LRRC2: variants seen among roughly 807,000 people sequenced by gnomAD.
LRRC2 encodes the protein leucine rich repeat containing 2.
In LRRC2, 27 loss-of-function variants were observed where a neutral mutation model predicts 40.2. That is an observed-to-expected ratio of 0.67 (90% confidence interval 0.49 to 0.93). The LOEUF is 0.93. Ranked by LOEUF, LRRC2 falls within the 40% of genes least tolerant of loss-of-function variation. The pLI, the probability that LRRC2 is intolerant of heterozygous loss-of-function variation, is 0.00. For synonymous variants in LRRC2, 147 were observed against 158.9 expected, an observed-to-expected ratio of 0.92 and a Z score of 0.56; for missense variants, 402 against 439.6, an observed-to-expected ratio of 0.91 and a Z score of 0.76.
chr3:46,526,153 C>G (rs1704057921), intron 7 of LRRC2, among the ~76,000 whole-genome samples: 1 of 152,012 alleles, frequency 6.6e-6, no homozygotes, highest in Non-Finnish European at 1.5e-5. Flanking sequence ...GGGGTTTCAC[C>G]TTGTTGGCCA....
rs1163366290 is a variant in LRRC2 at position 46,516,468 on chromosome 3, TA to T, written c.*2545del. On this transcript the variant is annotated 3_prime_UTR_variant, in exon 9 of 9. Transcript: ENST00000395905. ...TGGCTGGTTCTTCAGACAGAGAAAA[TA>T]AAAATCACCATACATTTCTACCCCA... 6.6e-6 allele frequency: 1 copy of T among 151,084 alleles called. No individual in the cohort carries two copies. The highest frequency in any genetic ancestry group is 1.5e-5 in the Non-Finnish European group (1 of 67,770). The allele number at this position is 151,084 out of a possible 1,614,324, so 9.4% of individuals were successfully genotyped here.
At chr3:46,534,326 T>C (rs1348840725) in intron 4 of LRRC2, among the ~76,000 whole-genome samples, 1 of 152,212 alleles carries the variant, frequency 6.6e-6, no homozygotes, top group Admixed American at 6.5e-5. Context: ...CAGTCTATCA[T>C]TGATGGGCAT....
At position 46,551,452 on chromosome 3, in the gene LRRC2, T is replaced by C; in HGVS notation, c.125+15A>G. 6.2e-7 allele frequency: 1 copy of C among 1,611,836 alleles called. No individual in the cohort carries two copies. The highest frequency in any genetic ancestry group is 8.5e-7 in the Non-Finnish European group (1 of 1,179,262). ...CACCAAACAAGCTACAAGACTAGGTTGAGAAAACACGTACTTCTCCAAGGC... is the reference window on the plus strand; with the variant it reads ...CACCAAACAAGCTACAAGACTAGGTCGAGAAAACACGTACTTCTCCAAGGC... On this transcript the variant is annotated intron_variant, in intron 2 of 8. Transcript: ENST00000395905.
intron 2 of LRRC2, among the ~76,000 whole-genome samples, chr3:46,550,849 A>G (rs1704629480): frequency 6.6e-6 from 1 of 152,244 alleles, no homozygotes; most frequent in African/African-American, 2.4e-5. Context: ...CATGAGTTCC[A>G]GTTCTGGTTT....
intron 7 of LRRC2, among the ~76,000 whole-genome samples, chr3:46,524,719 T>A (rs902595737): frequency 2.0e-5 from 3 of 152,246 alleles, no homozygotes; most frequent in Non-Finnish European, 4.4e-5. Context: ...ATGATTAACA[T>A]GGCATTTCTT....
At position 46,554,027 on chromosome 3, in the gene LRRC2, T is replaced by A. The variant is rs565024271; in HGVS notation, c.-19-2417A>T. On this transcript the variant is annotated intron_variant, in intron 1 of 8. Transcript: ENST00000395905. ...GGTTGTTGTTGTTGTTTTTTTGTTG[T>A]TTTTTTTCCTGAGACAGGGTCTCAC... is the stretch of plus-strand genomic sequence containing the variant. Among the ~76,000 whole-genome samples the A allele has an allele frequency of 2.3e-3, 310 of 137,676 alleles. 2 individuals are homozygous for A. The highest frequency in any genetic ancestry group is 3.8e-3 in the Non-Finnish European group (243 of 64,140). The allele number at this position is 137,676 out of a possible 152,430, so 90.3% of individuals were successfully genotyped here.
At chr3:46,521,318 C>A (rs1442444629) in intron 8 of LRRC2, among the ~76,000 whole-genome samples, 1 of 152,158 alleles carries the variant, frequency 6.6e-6, no homozygotes, top group Non-Finnish European at 1.5e-5. Context: ...ATTCATCAAG[C>A]ATTCAAATGG....
At chr3:46,546,552 A>G (rs1002095679) in intron 2 of LRRC2, among the ~76,000 whole-genome samples, 2 of 152,184 alleles carry the variant, frequency 1.3e-5, no homozygotes, top group Non-Finnish European at 2.9e-5. Context: ...TTCTATAGGT[A>G]TGTACCTTTG....
intron 7 of LRRC2, among the ~76,000 whole-genome samples, chr3:46,526,747 T>G (rs1456964919): frequency 6.6e-6 from 1 of 152,254 alleles, no homozygotes; most frequent in Non-Finnish European, 1.5e-5. Context: ...AGCCACCTGG[T>G]GCTCAAGGCC....
In LRRC2 at chr3:46,545,135, T is replaced by C. The variant is rs988088303; in HGVS notation, c.244A>G (p.Asn82Asp). 1.9e-6 allele frequency: 3 copies of C among 1,614,072 alleles called. No homozygotes were observed. Among genetic ancestry groups the C allele is most frequent in the Admixed American group, 3.3e-5 (2 of 59,996 alleles). The change falls in exon 3 of 9, where the codon AAC becomes GAC. Residue 82 changes from asparagine (N) to aspartate (D), a missense_variant. Transcript: ENST00000395905. The part of the protein sequence containing the change: ...SVRLLDKIER[N>D]TLTRQSSLPK... ...AGTGAACTCTGCCTTGTGAGAGTGT[T>C]CCTTTCAATCTTGTCCAGAAGCCGC... is the stretch of plus-strand genomic sequence containing the variant.
At chr3:46,524,812 G>A (rs1201240482) in intron 7 of LRRC2, among the ~76,000 whole-genome samples, 1 of 151,856 alleles carries the variant, frequency 6.6e-6, no homozygotes, top group African/African-American at 2.4e-5. Context: ...CCATATATTT[G>A]TGATATTAAC....
At chr3:46,557,646 T>G (rs762980894) in intron 1 of LRRC2, 6 of 152,242 alleles carry the variant, frequency 3.9e-5, no homozygotes, top group Non-Finnish European at 7.3e-5. Flanking sequence ...TTTGTTGATA[T>G]TTTTCTATCT....
At chr3:46,527,733 CG>C (rs1704085060) in intron 6 of LRRC2, 152 bp from the exon 7 acceptor site, 1 of 655,688 alleles carries the variant, frequency 1.5e-6, no homozygotes, top group South Asian at 2.1e-5. Flanking sequence ...TTTTGTTCTT[CG>C]TTTTTTTTTT....
At chr3:46,565,070 A>G (rs531346866) in intron 1 of LRRC2, among the ~76,000 whole-genome samples, 1 of 152,394 alleles carries the variant, frequency 6.6e-6, no homozygotes, top group African/African-American at 2.4e-5. Flanking sequence ...CAGTATAGTC[A>G]GCCAAATTCT....
At position 46,515,659 on chromosome 3, in the gene LRRC2, AT is replaced by A. The variant is rs751916361; in HGVS notation, c.*3354del. On this transcript the variant is annotated 3_prime_UTR_variant, in exon 9 of 9. Transcript: ENST00000395905. ...TGAAATAATTATATATCAATGCAGT[AT>A]TTTTTTCATATGTGACAGTGAAACA... 1 of 152,128 alleles carries A rather than the reference AT, an allele frequency of 6.6e-6. No individual in the cohort carries two copies. Among genetic ancestry groups the A allele is most frequent in the Non-Finnish European group, 1.5e-5 (1 of 68,022 alleles). The allele number at this position is 152,128 out of a possible 1,614,324, so 9.4% of individuals were successfully genotyped here.
intron 7 of LRRC2, among the ~76,000 whole-genome samples, chr3:46,526,984 C>A (rs1288866225): frequency 6.6e-6 from 1 of 152,252 alleles, no homozygotes; most frequent in Non-Finnish European, 1.5e-5. Context: ...TCCACTTCCA[C>A]ATCCCCAGAT....
intron 8 of LRRC2, among the ~76,000 whole-genome samples, chr3:46,520,276 C>T (rs989016922): frequency 6.6e-6 from 1 of 150,584 alleles, no homozygotes; most frequent in Admixed American, 6.6e-5. Context: ...AACTTAACAC[C>T]TATTTTCTTT....
intron 2 of LRRC2, among the ~76,000 whole-genome samples, chr3:46,545,909 T>G (rs543173244): frequency 8.4e-4 from 128 of 152,364 alleles, no homozygotes; most frequent in African/African-American, 2.9e-3. Context: ...GGTGGGCCTT[T>G]CTTCATTTAG....
intron 7 of LRRC2, among the ~76,000 whole-genome samples, chr3:46,524,747 C>T (rs1704025962): frequency 6.6e-6 from 1 of 152,088 alleles, no homozygotes; most frequent in Admixed American, 6.5e-5. Flanking sequence ...TAATAACTTT[C>T]TTTTTATATT....
Sources: allele counts gnomAD v4.1 joint callset (sites outside exome capture counted in the v4.1 genomes callset), GRCh38; gene constraint gnomAD v4.1.1; transcripts MANE v1.5; gene names NCBI Gene and HGNC (gene_info 2026-07-23, HGNC 2026-07-21).